The following PFN4 variants were observed in gnomAD, a reference collection of about 807,000 sequenced individuals.
PFN4 encodes the protein profilin family member 4.
Under a neutral mutation model 16.3 loss-of-function variants are expected in PFN4, and 10 were observed. That is an observed-to-expected ratio of 0.61 (90% CI 0.38 to 1.04). The LOEUF is 1.04. Among genes scored for constraint, PFN4 ranks in the 50% least tolerant of loss-of-function variants. The probability of loss-of-function intolerance (pLI) is 0.01; values close to 1 mark genes in which losing one functional copy is unlikely to be tolerated. For missense variants in PFN4, 136 were observed against 153.6 expected (o/e 0.89, Z 0.61); for synonymous variants, 54 against 56.9 (o/e 0.95, Z 0.23).
Position 24,120,916 on chromosome 2 carries a change from G to A in PFN4, c.255+247C>T, listed in dbSNP as rs186579927. ...AGGAGGATGTAGAGTATGAAGGTGG[G>A]ACTGTATTGGAAAGAGTTCAGGCAA... is the stretch of plus-strand genomic sequence containing the variant. On this transcript the variant is annotated intron_variant, in intron 3 of 4. Coordinates refer to ENST00000313213, the MANE Select transcript of PFN4 (RefSeq NM_199346.3). 2.6e-5 allele frequency among the ~76,000 whole-genome samples: 4 copies of A among 151,320 alleles called. No individual in the cohort carries two copies. The South Asian group carries it at 8.4e-4, about 32-fold the overall frequency.
At chr2:24,119,555 A>G (rs764024999) in intron 4 of PFN4, 22 bp downstream of exon 4, 2 of 1,573,314 alleles carry the variant, frequency 1.3e-6, no homozygotes, top group Admixed American at 1.7e-5. Context: ...GAATGAAGAC[A>G]GGAACTAGGA....
intron 4 of PFN4, among the ~76,000 whole-genome samples, chr2:24,116,516 G>A (rs1376954563): frequency 6.6e-6 from 1 of 151,950 alleles, no homozygotes; most frequent in African/African-American, 2.4e-5. Context: ...TTTATACAGA[G>A]TCTTGCAGAA....
At position 24,121,306 on chromosome 2, in the gene PFN4, G is replaced by T. The variant is rs762616878; in HGVS notation, c.118-6C>A. ...CGGACATCACTGGGCGTTACCTGGA[G>T]AGGTTACATGGTTAGAGCAGGAGTC... On this transcript the variant is annotated splice_region_variant and splice_polypyrimidine_tract_variant and intron_variant, in intron 2 of 4. Coordinates refer to ENST00000313213, the MANE Select transcript of PFN4 (RefSeq NM_199346.3). The T allele has an allele frequency of 3.7e-6, 6 of 1,613,986 alleles. No homozygotes were observed. The African/African-American group carries it at 8.0e-5, about 22-fold the overall frequency.
At chr2:24,116,265 TTGCAA>T (rs1439455913) in intron 4 of PFN4, among the ~76,000 whole-genome samples, 1 of 150,724 alleles carries the variant, frequency 6.6e-6, no homozygotes, top group Non-Finnish European at 1.5e-5. Flanking sequence ...GAGGCAGAGG[TTGCAA>T]TGAGCTGACA....
chr2:24,119,503 G>T, intron 4 of PFN4, 74 bp downstream of exon 4: 1 of 1,079,194 alleles, frequency 9.3e-7, no homozygotes, highest in Non-Finnish European at 1.4e-6. Flanking sequence ...GGTTTGAGTT[G>T]GATCTCTGTT....
intron 1 of PFN4, 186 bp from the exon 2 acceptor site, chr2:24,122,733 T>C (rs1393244413): frequency 6.4e-6 from 3 of 471,888 alleles, no homozygotes; most frequent in African/African-American, 2.0e-5. Flanking sequence ...AACAGAATCA[T>C]AGAAAAATCA....
chr2:24,116,603 C>T (rs1665925950), intron 4 of PFN4, among the ~76,000 whole-genome samples: 1 of 152,054 alleles, frequency 6.6e-6, no homozygotes, highest in Admixed American at 6.5e-5. Flanking sequence ...GCCTATAATC[C>T]CAGCACTTTG....
rs142319508 is a variant in PFN4, at chr2:24,122,422, G to A, written c.114C>T (p.Phe38=). ...ERSLCVASPG[F]NVTPSDVRTL... is the part of the protein sequence containing the mutation. The stretch of plus-strand genomic sequence containing the variant: ...GTCCAAACTTGTTTTTTCTTACATT[G>A]AAACCTGGTGATGCTACACACAAGC... Residue 38 remains phenylalanine (F), a synonymous_variant, in exon 2 of 5, where the codon TTC becomes TTT. Transcript: ENST00000313213. 6.2e-6 allele frequency: 10 copies of A among 1,606,358 alleles called. No individual in the cohort carries two copies. The highest frequency in any genetic ancestry group is 8.5e-6 in the Non-Finnish European group (10 of 1,174,708).
At position 24,121,172 on chromosome 2, in the gene PFN4, A is replaced by G; in HGVS notation, c.246T>C (p.Tyr82=). The part of the protein sequence containing the change: ...RCVRADEYSL[Y]AKNENTGVVV... ...AATCTTGAGCACTCACATTTTTGGC[A>G]TAAAGAGAATATTCATCTGCCCGGA... The change falls in exon 3 of 5, where the codon TAT becomes TAC. Residue 82 remains tyrosine, a synonymous_variant. Transcript: ENST00000313213. The G allele has an allele frequency of 6.2e-7, 1 of 1,614,006 alleles. No individual in the cohort carries two copies. Among genetic ancestry groups the G allele is most frequent in the Non-Finnish European group, 8.5e-7 (1 of 1,179,980 alleles).
chr2:24,117,150 G>C (rs1183287411), intron 4 of PFN4, among the ~76,000 whole-genome samples: 1 of 151,746 alleles, frequency 6.6e-6, no homozygotes, highest in African/African-American at 2.4e-5. Context: ...AAGTAGCTGG[G>C]ATTACAGGTA....
Position 24,121,216 on chromosome 2 carries a change from C to T in PFN4, c.202G>A (p.Gly68Arg). ...QARREGLYFK[G>R]KDYRCVRADE... ...GCCCGGACACATCTGTAATCTTTTC[C>T]CTTGAAATACAGTCCTTCTCTTCGG... The change falls in exon 3 of 5, where the codon GGA becomes AGA. Residue 68 changes from glycine (G) to arginine (R), a missense_variant. Physicochemically the swap from Gly to Arg is moderately radical, Grantham distance 125. Coordinates refer to ENST00000313213, the MANE Select transcript of PFN4 (RefSeq NM_199346.3). The T allele has an allele frequency of 1.2e-6, 2 of 1,614,116 alleles. No individual in the cohort carries two copies. Among genetic ancestry groups the T allele is most frequent in the South Asian group, 2.2e-5 (2 of 91,074 alleles).
rs1666103699 is a variant in PFN4 at position 24,121,179 on chromosome 2, GAAT to G, written c.236_238del (p.Tyr79del). ...AGCACTCACATTTTTGGCATAAAGAGAATATTCATCTGCCCGGACACATCTGTA... is the reference window on the plus strand; with the variant it reads ...AGCACTCACATTTTTGGCATAAAGAGATTCATCTGCCCGGACACATCTGTA... On this transcript the variant is annotated inframe_deletion, in exon 3 of 5. Coordinates refer to ENST00000313213, the MANE Select transcript of PFN4 (RefSeq NM_199346.3). 7.4e-6 allele frequency: 12 copies of G among 1,614,094 alleles called. No individual in the cohort carries two copies. In the East Asian group the frequency reaches 2.7e-4, roughly 36 times the overall value.
intron 2 of PFN4, among the ~76,000 whole-genome samples, chr2:24,122,199 G>A (rs1397419124): frequency 6.6e-6 from 1 of 152,064 alleles, no homozygotes; most frequent in Non-Finnish European, 1.5e-5. Flanking sequence ...GGGCCTGGTA[G>A]CGCACTCCTG....
chr2:24,119,537 A>G (rs760543030), intron 4 of PFN4, 40 bp downstream of exon 4: 7 of 1,466,996 alleles, frequency 4.8e-6, no homozygotes. Context: ...AGACCCAACT[A>G]ACATAGGGAA....
intron 4 of PFN4, among the ~76,000 whole-genome samples, chr2:24,117,383 A>G (rs547792166): frequency 5.9e-5 from 9 of 151,998 alleles, no homozygotes; most frequent in Non-Finnish European, 1.5e-5. Flanking sequence ...TCTTTAATTA[A>G]TATTCATGCC....
chr2:24,123,397 C>A (rs1666190464), upstream of PFN4: 1 of 152,250 alleles, frequency 6.6e-6, no homozygotes, highest in African/African-American at 2.4e-5. Context: ...AACCAAGACC[C>A]GCCACCTAGA....
chr2:24,115,293 GT>G lies in PFN4; in HGVS notation c.*289del. 2.6e-6 allele frequency: 1 copy of G among 387,072 alleles called. No individual in the cohort carries two copies. The allele number at this position is 387,072 out of a possible 1,614,324, so 24.0% of individuals were successfully genotyped here. On this transcript the variant is annotated 3_prime_UTR_variant, in exon 5 of 5. Coordinates refer to ENST00000313213, the MANE Select transcript of PFN4 (RefSeq NM_199346.3). Reference sequence around the variant, plus strand: ...ATTCTTGGCATACTTAGCAAGGTGTGTAGGAGTACAAGAGCCTCACAGAAAG... The same window carrying G: ...ATTCTTGGCATACTTAGCAAGGTGTGAGGAGTACAAGAGCCTCACAGAAAG...
At chr2:24,120,196 G>A (rs1666059777) in intron 3 of PFN4, among the ~76,000 whole-genome samples, 1 of 152,058 alleles carries the variant, frequency 6.6e-6, no homozygotes, top group South Asian at 2.1e-4. Context: ...TTGAACCCAG[G>A]AGGTGGAGGT....
intron 4 of PFN4, 21 bp from the exon 5 acceptor site, chr2:24,115,632 GTTA>G (rs766749870): frequency 2.5e-6 from 4 of 1,611,118 alleles, no homozygotes; most frequent in Non-Finnish European, 2.5e-6. Context: ...ACACAGCATG[GTTA>G]TTATTTATGA....
Sources: allele counts gnomAD v4.1 joint callset (sites outside exome capture counted in the v4.1 genomes callset), GRCh38; gene constraint gnomAD v4.1.1; transcripts MANE v1.5; gene names NCBI Gene and HGNC (gene_info 2026-07-23, HGNC 2026-07-21).